Variants in RNF175 observed in about 807,000 individuals in gnomAD.
RNF175 encodes ring finger protein 175.
In RNF175, 38 loss-of-function variants were observed where a neutral mutation model predicts 50.0. That is an observed-to-expected ratio of 0.76 (90% CI 0.59 to 1.00). The LOEUF (loss-of-function observed/expected upper bound fraction) is 1.00. Among genes scored for constraint, RNF175 ranks in the 50% least tolerant of loss-of-function variants. The probability of loss-of-function intolerance (pLI) is 0.00; values close to 1 mark genes in which losing one functional copy is unlikely to be tolerated. For missense variants in RNF175, 388 were observed against 409.6 expected, an observed-to-expected ratio of 0.95 and a Z score of 0.46; for synonymous variants, 155 against 146.1, an observed-to-expected ratio of 1.06 and a Z score of -0.44.
At chr4:153,727,197 A>G (rs1022343476) in intron 4 of RNF175, among the ~76,000 whole-genome samples, 1 of 152,226 alleles carries the variant, frequency 6.6e-6, no homozygotes, top group Admixed American at 6.5e-5. Flanking sequence ...AAGGTACCAT[A>G]CATTCACTTT....
intron 5 of RNF175, among the ~76,000 whole-genome samples, chr4:153,721,208 A>T (rs905779010): frequency 1.3e-5 from 2 of 152,096 alleles, no homozygotes; most frequent in African/African-American, 2.4e-5. Context: ...ATAATTTGCC[A>T]TAAATTTAAT....
Position 153,710,323 on chromosome 4 carries a change from C to G in RNF175, c.*46G>C. 6.9e-7 allele frequency: 1 copy of G among 1,444,888 alleles called. No homozygotes were observed. Among genetic ancestry groups the G allele is most frequent in the Non-Finnish European group, 9.2e-7 (1 of 1,081,904 alleles). 89.5% of individuals were successfully genotyped at this position (1,444,888 alleles called of 1,614,324 possible). A position where few individuals can be genotyped will look rare whatever the true frequency, so the allele number is the denominator to read the frequency against. On this transcript the variant is annotated 3_prime_UTR_variant, in exon 9 of 9. Coordinates refer to ENST00000347063, the MANE Select transcript of RNF175 (RefSeq NM_173662.4). ...AAAAAAATTAATATTAAATGTTGGACCAAGGATTTCAACCATGCAGTATGT... is the reference window on the plus strand; with the variant it reads ...AAAAAAATTAATATTAAATGTTGGAGCAAGGATTTCAACCATGCAGTATGT...
At chr4:153,739,012 C>T (rs535778288) in intron 3 of RNF175, among the ~76,000 whole-genome samples, 12 of 152,326 alleles carry the variant, frequency 7.9e-5, no homozygotes, top group African/African-American at 2.9e-4. Flanking sequence ...ATCCCAATTC[C>T]TCCCTCCCAT....
At chr4:153,724,248 A>G (rs1353303764) in intron 4 of RNF175, among the ~76,000 whole-genome samples, 1 of 152,196 alleles carries the variant, frequency 6.6e-6, no homozygotes, top group Non-Finnish European at 1.5e-5. Context: ...AACTACAAGA[A>G]GGACCATGTG....
chr4:153,739,804 T>C (rs777257873), intron 3 of RNF175, among the ~76,000 whole-genome samples: 1 of 152,172 alleles, frequency 6.6e-6, no homozygotes, highest in Non-Finnish European at 1.5e-5. Flanking sequence ...TAGTGTGAAT[T>C]TGACATACCC....
intron 1 of RNF175, among the ~76,000 whole-genome samples, chr4:153,754,181 A>AG (rs148569513): frequency 0.64 from 95,009 of 149,498 alleles, 31,598 homozygotes; most frequent in African/African-American, 0.83. Context: ...AAAAAAAAAA[A>AG]AAAATTATGA....
chr4:153,738,337 C>T (rs1739459381), intron 3 of RNF175, among the ~76,000 whole-genome samples: 1 of 150,354 alleles, frequency 6.7e-6, no homozygotes, highest in Admixed American at 6.6e-5. Context: ...GTGCCTGCCG[C>T]TACATCTGGC....
chr4:153,734,973 G>A (rs1178248912), intron 3 of RNF175, among the ~76,000 whole-genome samples: 1 of 151,916 alleles, frequency 6.6e-6, no homozygotes, highest in African/African-American at 2.4e-5. Context: ...ACCATGCCTG[G>A]CCTCATTCTC....
chr4:153,753,237 G>A (rs927379134), intron 1 of RNF175, among the ~76,000 whole-genome samples: 1 of 152,190 alleles, frequency 6.6e-6, no homozygotes, highest in Admixed American at 6.5e-5. Flanking sequence ...GGGCTCCTAG[G>A]GCGTCTAGAA....
At chr4:153,714,145 G>C (rs1470655798) in intron 7 of RNF175, 2 of 152,192 alleles carry the variant, frequency 1.3e-5, no homozygotes, top group Non-Finnish European at 2.9e-5. Flanking sequence ...GGCTTTTAAA[G>C]GTGGAGAGAG....
chr4:153,716,616 A>C (rs534107848), intron 6 of RNF175, among the ~76,000 whole-genome samples: 1 of 152,298 alleles, frequency 6.6e-6, no homozygotes, highest in South Asian at 2.1e-4. Flanking sequence ...AAGATACAAA[A>C]ATATTACAGA....
chr4:153,734,847 T>C (rs993233378), intron 3 of RNF175, among the ~76,000 whole-genome samples: 3 of 151,874 alleles, frequency 2.0e-5, no homozygotes, highest in African/African-American at 7.3e-5. Context: ...AGCTAATTTT[T>C]TGTATTTTTT....
In RNF175 at chr4:153,712,500, C is replaced by T; in HGVS notation, c.841G>A (p.Asp281Asn). Reference sequence around the variant, plus strand: ...GGATTACTGATCATCCTCTTCAAATCAACTTTCTCTTTGCAGTAAGGGCAA... The same window carrying T: ...GGATTACTGATCATCCTCTTCAAATTAACTTTCTCTTTGCAGTAAGGGCAA... ...QTCPYCKEKVDLKRMISNPWE... is the reference protein window; with the variant it reads ...QTCPYCKEKVNLKRMISNPWE... The change falls in exon 8 of 9, where the codon GAT becomes AAT. Residue 281 changes from aspartate to asparagine, a missense_variant. By Grantham distance (23) the Asp-to-Asn change is conservative (BLOSUM62 1). Transcript: ENST00000347063. The T allele has an allele frequency of 2.5e-6, 4 of 1,608,786 alleles. No individual in the cohort carries two copies. Among genetic ancestry groups the T allele is most frequent in the Non-Finnish European group, 3.4e-6 (4 of 1,175,548 alleles).
chr4:153,727,724 C>G (rs1046096653), intron 4 of RNF175: 5 of 152,254 alleles, frequency 3.3e-5, no homozygotes, highest in African/African-American at 9.7e-5. Context: ...TCTTTGGAAG[C>G]TGACAATGGT....
intron 3 of RNF175, 64 bp downstream of exon 3, chr4:153,748,580 TG>T: frequency 1.4e-6 from 2 of 1,430,322 alleles, no homozygotes; most frequent in Non-Finnish European, 1.9e-6. Context: ...GAACATGTCC[TG>T]GAAAAAAACA....
chr4:153,751,601 G>A, intron 1 of RNF175, 126 bp from the exon 2 acceptor site: 21 of 658,224 alleles, frequency 3.2e-5, no homozygotes, highest in East Asian at 5.9e-5. Flanking sequence ...GAATAATTTG[G>A]GATAAAAGTC....
At chr4:153,714,231 G>A (rs1017946873) in intron 7 of RNF175, 3 of 152,174 alleles carry the variant, frequency 2.0e-5, no homozygotes, top group African/African-American at 7.2e-5. Flanking sequence ...TAAAACTAGG[G>A]CCAGACTTGG....
intron 1 of RNF175, among the ~76,000 whole-genome samples, chr4:153,752,639 G>A (rs1464604428): frequency 6.6e-6 from 1 of 152,188 alleles, no homozygotes; most frequent in East Asian, 1.9e-4. Flanking sequence ...GCATTTTTAA[G>A]TATAATGTAG....
intron 4 of RNF175, among the ~76,000 whole-genome samples, chr4:153,724,598 A>G: frequency 6.6e-6 from 1 of 151,876 alleles, no homozygotes; most frequent in East Asian, 1.9e-4. Flanking sequence ...TGACTCTTTC[A>G]CCTTCCCCAG....
Sources: allele counts gnomAD v4.1 joint callset (sites outside exome capture counted in the v4.1 genomes callset), GRCh38; gene constraint gnomAD v4.1.1; transcripts MANE v1.5; gene names NCBI Gene and HGNC (gene_info 2026-07-23, HGNC 2026-07-21).